Variants in IER3IP1 observed in about 807,000 individuals in gnomAD.
IER3IP1 encodes immediate early response 3 interacting protein 1, also known as immediate early response 3-interacting protein 1.
In IER3IP1, 16 loss-of-function variants were observed where a neutral mutation model predicts 12.2. The observed-to-expected ratio is 1.31, with a 90% CI of 0.89 to 1.99. IER3IP1 has a LOEUF of 1.99. IER3IP1 is among the 30% of genes most tolerant of loss of function. IER3IP1 has a pLI of 0.00. For missense variants in IER3IP1, 95 were observed against 95.8 expected, an observed-to-expected ratio of 0.99 and a Z score of 0.03; for synonymous variants, 42 against 40.0, an observed-to-expected ratio of 1.05 and a Z score of -0.19.
chr18:47,159,697 G>T (rs950524236), intron 1 of IER3IP1, among the ~76,000 whole-genome samples: 12 of 152,124 alleles, frequency 7.9e-5, no homozygotes, highest in Non-Finnish European at 1.8e-4. Flanking sequence ...ATTGCATGGA[G>T]ATATTCCTTA....
At chr18:47,156,268 G>T (rs1568070215) in intron 2 of IER3IP1, 36 bp from the exon 3 acceptor site, 2 of 1,220,544 alleles carry the variant, frequency 1.6e-6, no homozygotes, top group African/African-American at 1.5e-5. Flanking sequence ...TTACTATAAA[G>T]AAAAAACAGA....
Position 47,153,485 on chromosome 18 carries a change from A to T in IER3IP1, c.*2692T>A, listed in dbSNP as rs942696347. The T allele has an allele frequency of 6.6e-6, 1 of 151,714 alleles. No homozygotes were observed. Among genetic ancestry groups the T allele is most frequent in the Non-Finnish European group, 1.5e-5 (1 of 67,986 alleles). The allele number at this position is 151,714 out of a possible 1,614,324, so 9.4% of individuals were successfully genotyped here. ...CTTGTGTCACGGGGGTTTGGCACAG[A>T]TTATTTCGTTATCCAGGTGCTAAGC... On this transcript the variant is annotated 3_prime_UTR_variant, in exon 3 of 3. Transcript: ENST00000256433.
intron 1 of IER3IP1, among the ~76,000 whole-genome samples, chr18:47,159,505 GTC>G (rs2063972755): frequency 6.6e-6 from 1 of 152,178 alleles, no homozygotes; most frequent in Admixed American, 6.5e-5. Context: ...ACTCTCAAAA[GTC>G]TCTACACAGT....
At chr18:47,161,838 C>A (rs962854668) in intron 1 of IER3IP1, among the ~76,000 whole-genome samples, 17 of 150,972 alleles carry the variant, frequency 1.1e-4, no homozygotes, top group African/African-American at 3.9e-4. Context: ...CAGTGAGAGC[C>A]CTAAGTTTGT....
chr18:47,163,716 G>A (rs913295388), intron 1 of IER3IP1, among the ~76,000 whole-genome samples: 4 of 152,086 alleles, frequency 2.6e-5, no homozygotes, highest in African/African-American at 9.7e-5. Context: ...ATAAACTGAT[G>A]AGCTTTTTGA....
Position 47,172,249 on chromosome 18 carries a change from C to A in IER3IP1, c.91+3938G>T, listed in dbSNP as rs1252879640. On this transcript the variant is annotated intron_variant, in intron 1 of 2. Transcript: ENST00000256433. This position sits in a 1 kb window ranked among gnomAD's most constrained non-coding sequence, Gnocchi z 4.0. ...ACAAAACCACCACCATAAAACACAC[C>A]CCCATATCCCTTCAAGCTACCTTTT... Among the ~76,000 whole-genome samples, 2 of 152,108 alleles carry A rather than the reference C, an allele frequency of 1.3e-5. No homozygotes were observed. Among genetic ancestry groups the A allele is most frequent in the Non-Finnish European group, 2.9e-5 (2 of 68,026 alleles).
At chr18:47,173,590 C>T (rs1260429654) in intron 1 of IER3IP1, among the ~76,000 whole-genome samples, 1 of 152,166 alleles carries the variant, frequency 6.6e-6, no homozygotes, top group African/African-American at 2.4e-5. Flanking sequence ...GTGATCTGCC[C>T]ACCTTGGCCT....
chr18:47,172,066 G>C lies in IER3IP1; in HGVS notation c.91+4121C>G, dbSNP rs939657841. On this transcript the variant is annotated intron_variant, in intron 1 of 2. Coordinates refer to ENST00000256433, the MANE Select transcript of IER3IP1 (RefSeq NM_016097.5). This position sits in a 1 kb window ranked among gnomAD's most constrained non-coding sequence, Gnocchi z 4.0. ...CAAAGTGCTGGGATTACAGGCATGAGCCACGGTGCTGGGCCTTCTGTTTTG... is the reference window on the plus strand; with the variant it reads ...CAAAGTGCTGGGATTACAGGCATGACCCACGGTGCTGGGCCTTCTGTTTTG... 6.6e-6 allele frequency among the ~76,000 whole-genome samples: 1 copy of C among 152,200 alleles called. No individual in the cohort carries two copies. The highest frequency in any genetic ancestry group is 1.5e-5 in the Non-Finnish European group (1 of 68,024).
In IER3IP1 at chr18:47,161,592, T is replaced by C. The variant is rs1455855242; in HGVS notation, c.92-4055A>G. Among the ~76,000 whole-genome samples, 3 of 152,180 alleles carry C rather than the reference T, an allele frequency of 2.0e-5. No homozygotes were observed. The East Asian group carries it at 5.8e-4, about 29-fold the overall frequency. ...TCCTTAAATTGACATTCTAGTTTTATATCCTACCACACCCTTCCAAGTATT... is the reference window on the plus strand; with the variant it reads ...TCCTTAAATTGACATTCTAGTTTTACATCCTACCACACCCTTCCAAGTATT... On this transcript the variant is annotated intron_variant, in intron 1 of 2. Transcript: ENST00000256433.
chr18:47,163,188 G>C (rs1290304772), intron 1 of IER3IP1, among the ~76,000 whole-genome samples: 1 of 152,116 alleles, frequency 6.6e-6, no homozygotes, highest in Non-Finnish European at 1.5e-5. Context: ...TAATAAAATA[G>C]AGTAATTATA....
At chr18:47,175,575 T>C (rs2064029815) in intron 1 of IER3IP1, among the ~76,000 whole-genome samples, 1 of 152,196 alleles carries the variant, frequency 6.6e-6, no homozygotes. Context: ...GTGATTCTCC[T>C]GCCTCAGCCT....
chr18:47,161,127 A>G (rs1205265559), intron 1 of IER3IP1, among the ~76,000 whole-genome samples: 2 of 152,186 alleles, frequency 1.3e-5, no homozygotes, highest in South Asian at 2.1e-4. Context: ...ACTTGAAGAG[A>G]ACAGTTTTTT....
chr18:47,160,698 C>G (rs1273312502), intron 1 of IER3IP1, among the ~76,000 whole-genome samples: 1 of 152,180 alleles, frequency 6.6e-6, no homozygotes, highest in Non-Finnish European at 1.5e-5. Flanking sequence ...GGATTTTAAT[C>G]TTTTGGGGTT....
At position 47,172,490 on chromosome 18, in the gene IER3IP1, A is replaced by G. The variant is rs2064018666; in HGVS notation, c.91+3697T>C. On this transcript the variant is annotated intron_variant, in intron 1 of 2. Transcript: ENST00000256433. This position sits in a 1 kb window ranked among gnomAD's most constrained non-coding sequence, Gnocchi z 4.0. The stretch of plus-strand genomic sequence containing the variant: ...CCCTTAATCTTGGAGATACACTTCA[A>G]GATTCCACAGTAGATGCCTGAAACA... 6.6e-6 allele frequency among the ~76,000 whole-genome samples: 1 copy of G among 152,156 alleles called. No individual in the cohort carries two copies. The highest frequency in any genetic ancestry group is 2.1e-4 in the South Asian group (1 of 4,826).
intron 1 of IER3IP1, among the ~76,000 whole-genome samples, chr18:47,158,844 C>G (rs988332373): frequency 2.6e-5 from 4 of 151,890 alleles, no homozygotes; most frequent in African/African-American, 9.7e-5. Flanking sequence ...GCCTGTAGTC[C>G]CAGCTACTCG....
At chr18:47,162,962 C>G (rs2063984413) in intron 1 of IER3IP1, among the ~76,000 whole-genome samples, 1 of 151,788 alleles carries the variant, frequency 6.6e-6, no homozygotes. Context: ...CTGATATAAC[C>G]AATAATTGGT....
Position 47,154,939 on chromosome 18 carries a change from G to A in IER3IP1, c.*1238C>T, listed in dbSNP as rs1433519815. On this transcript the variant is annotated 3_prime_UTR_variant, in exon 3 of 3. Transcript: ENST00000256433. ...ATTTACTTTCATTAACTCTATACTC[G>A]GCAATTTTACAGCAAAGAACATATA... 6.6e-6 allele frequency: 1 copy of A among 151,890 alleles called. No homozygotes were observed. The highest frequency in any genetic ancestry group is 1.5e-5 in the Non-Finnish European group (1 of 67,990). The allele number at this position is 151,890 out of a possible 1,614,324, so 9.4% of individuals were successfully genotyped here.
intron 1 of IER3IP1, among the ~76,000 whole-genome samples, chr18:47,175,738 G>T (rs2064030702): frequency 6.6e-6 from 1 of 152,018 alleles, no homozygotes; most frequent in Non-Finnish European, 1.5e-5. Flanking sequence ...TGGGATTACA[G>T]GCGGGAGCCA....
intron 1 of IER3IP1, among the ~76,000 whole-genome samples, chr18:47,165,133 T>C (rs1599997924): frequency 6.6e-6 from 1 of 152,212 alleles, no homozygotes; most frequent in Non-Finnish European, 1.5e-5. Flanking sequence ...TAAAAGAAAA[T>C]GAAAGTGATT....
Sources: allele counts gnomAD v4.1 joint callset (sites outside exome capture counted in the v4.1 genomes callset), GRCh38; gene constraint gnomAD v4.1.1; non-coding constraint Gnocchi (gnomAD v3.1); transcripts MANE v1.5; gene names NCBI Gene and HGNC (gene_info 2026-07-23, HGNC 2026-07-21).